TEKT5: variants seen among roughly 807,000 people sequenced by gnomAD.
TEKT5 encodes the protein tektin-5.
Under a neutral mutation model 48.7 loss-of-function variants are expected in TEKT5, and 52 were observed. That is an observed-to-expected ratio of 1.07 (90% CI 0.86 to 1.35). TEKT5 has a LOEUF of 1.35. TEKT5 is among the 40% of genes most tolerant of loss of function. TEKT5 has a pLI of 0.00. For synonymous variants in TEKT5, 318 were observed against 267.6 expected, an observed-to-expected ratio of 1.19 and a Z score of -1.84; for missense variants, 831 against 641.6, an observed-to-expected ratio of 1.30 and a Z score of -3.19.
chr16:10,630,834 C>T (rs1431309036), intron 6 of TEKT5, among the ~76,000 whole-genome samples: 2 of 151,874 alleles, frequency 1.3e-5, no homozygotes, highest in African/African-American at 4.8e-5. Context: ...GCCTGGTCAA[C>T]ATGGTGGCAA....
chr16:10,638,628 A>G (rs1052964968), intron 5 of TEKT5, among the ~76,000 whole-genome samples: 3 of 152,352 alleles, frequency 2.0e-5, no homozygotes, highest in African/African-American at 7.2e-5. Context: ...CATCAGCTCC[A>G]CCAGGAACAT....
chr16:10,682,403 C>T (rs921047816), intron 3 of TEKT5, among the ~76,000 whole-genome samples: 12 of 152,162 alleles, frequency 7.9e-5, no homozygotes, highest in African/African-American at 2.7e-4. Context: ...TCATGGCTCA[C>T]TGCAGCCTTG....
rs116804758 is a variant in TEKT5 at position 10,666,526 on chromosome 16, C to T, written c.1086+9433G>A. On this transcript the variant is annotated intron_variant, in intron 5 of 6. Coordinates refer to ENST00000283025, the MANE Select transcript of TEKT5 (RefSeq NM_144674.2). ...AAACTATAGCAACCAAAAATGCCTC[C>T]AAACATTTCAAGTGTCCTCTGGGGG... Among the ~76,000 whole-genome samples, 459 of 152,302 alleles carry T rather than the reference C, an allele frequency of 3.0e-3. 3 individuals are homozygous for T. The highest frequency in any genetic ancestry group is 0.01 in the African/African-American group (433 of 41,548).
chr16:10,635,697 A>T (rs1897901532), intron 6 of TEKT5, 67 bp downstream of exon 6: 1 of 1,565,538 alleles, frequency 6.4e-7, no homozygotes, highest in South Asian at 1.2e-5. Context: ...GAAGCTCCTG[A>T]GACTCACCCC....
chr16:10,683,156 G>A (rs1300763940), intron 3 of TEKT5, among the ~76,000 whole-genome samples: 1 of 151,900 alleles, frequency 6.6e-6, no homozygotes, highest in Admixed American at 6.6e-5. Flanking sequence ...TCTGAGCTGG[G>A]TTTTCACAAT....
chr16:10,666,397 C>G (rs1374971880), intron 5 of TEKT5, among the ~76,000 whole-genome samples: 4 of 152,196 alleles, frequency 2.6e-5, no homozygotes, highest in African/African-American at 9.7e-5. Context: ...TACTGACATT[C>G]AGGCCCAAAC....
chr16:10,680,128 T>C (rs891759378), intron 4 of TEKT5, among the ~76,000 whole-genome samples: 3 of 152,330 alleles, frequency 2.0e-5, no homozygotes, highest in Non-Finnish European at 4.4e-5. Context: ...GGACTCCCTG[T>C]GCAGATGAGG....
rs903296591 is a variant in TEKT5, at chr16:10,676,190, G to T, written c.864-9C>A. 1.2e-6 allele frequency: 2 copies of T among 1,613,746 alleles called. No individual in the cohort carries two copies. Among genetic ancestry groups the T allele is most frequent in the Admixed American group, 3.3e-5 (2 of 60,012 alleles). On this transcript the variant is annotated splice_polypyrimidine_tract_variant and intron_variant, in intron 4 of 6. Coordinates refer to ENST00000283025, the MANE Select transcript of TEKT5 (RefSeq NM_144674.2). ...TCTCAGGTACGGAGATCCTGCAAAG[G>T]CACAAGGGTGAGTTGCAGCAGTCCT... is the stretch of plus-strand genomic sequence containing the variant.
At chr16:10,682,166 T>C (rs1247653063) in intron 3 of TEKT5, 30 bp from the exon 4 acceptor site, 4 of 1,610,024 alleles carry the variant, frequency 2.5e-6, no homozygotes, top group Non-Finnish European at 3.4e-6. Context: ...ATTCCTGGAC[T>C]ATGCACCTGC....
intron 3 of TEKT5, among the ~76,000 whole-genome samples, chr16:10,685,264 G>C (rs1324577262): frequency 6.6e-6 from 1 of 151,878 alleles, no homozygotes; most frequent in African/African-American, 2.4e-5. Context: ...ATCTCTCTCG[G>C]TCTCTATCCA....
At chr16:10,644,924 G>T (rs1350267853) in intron 5 of TEKT5, among the ~76,000 whole-genome samples, 1 of 152,190 alleles carries the variant, frequency 6.6e-6, no homozygotes, top group Non-Finnish European at 1.5e-5. Flanking sequence ...AGGCGATTAG[G>T]TGATGAGGTG....
At chr16:10,688,807 C>T (rs1486966244) in intron 3 of TEKT5, among the ~76,000 whole-genome samples, 4 of 152,198 alleles carry the variant, frequency 2.6e-5, no homozygotes, top group African/African-American at 9.7e-5. Context: ...CACCAGCTCC[C>T]TTGTGGAGGT....
chr16:10,682,703 G>A (rs1346784984), intron 3 of TEKT5, among the ~76,000 whole-genome samples: 1 of 152,180 alleles, frequency 6.6e-6, no homozygotes, highest in Non-Finnish European at 1.5e-5. Context: ...AGGCTTTGTG[G>A]GTCATATGGT....
intron 5 of TEKT5, among the ~76,000 whole-genome samples, chr16:10,657,734 C>A (rs1483877911): frequency 6.6e-6 from 1 of 151,442 alleles, no homozygotes; most frequent in South Asian, 2.1e-4. Context: ...GGACTACAGG[C>A]GCCCACCACT....
intron 5 of TEKT5, among the ~76,000 whole-genome samples, chr16:10,637,233 G>A (rs1036071595): frequency 4.2e-4 from 64 of 151,554 alleles, no homozygotes; most frequent in African/African-American, 1.5e-3. Flanking sequence ...ATGGGGTTTC[G>A]CCATGTTGGC....
At chr16:10,662,575 G>T (rs149019992) in intron 5 of TEKT5, among the ~76,000 whole-genome samples, 22 of 152,324 alleles carry the variant, frequency 1.4e-4, no homozygotes, top group Non-Finnish European at 2.2e-4. Flanking sequence ...CCTCTTTGCA[G>T]GCAGCCCCTT....
intron 1 of TEKT5, among the ~76,000 whole-genome samples, chr16:10,691,117 G>A (rs371533669): frequency 3.6e-4 from 55 of 152,302 alleles, no homozygotes; most frequent in African/African-American, 1.2e-3. Context: ...GCCAAGGTGG[G>A]AGGATTACTT....
chr16:10,677,182 C>A (rs2051390533), intron 4 of TEKT5, among the ~76,000 whole-genome samples: 1 of 152,066 alleles, frequency 6.6e-6, no homozygotes, highest in Non-Finnish European at 1.5e-5. Flanking sequence ...CACAACAAGA[C>A]CCTGTCTCAA....
intron 4 of TEKT5, 89 bp from the exon 5 acceptor site, chr16:10,676,270 G>T: frequency 7.8e-7 from 1 of 1,274,180 alleles, no homozygotes; most frequent in Non-Finnish European, 1.1e-6. Context: ...CCTCTGGGTC[G>T]GGATTATTCT....
Sources: gnomAD v4.1 joint callset for allele counts (sites outside exome capture counted in the v4.1 genomes callset) on GRCh38, gnomAD v4.1.1 for gene constraint, MANE v1.5 for transcripts, NCBI Gene and HGNC (gene_info 2026-07-23, HGNC 2026-07-21) for gene names.